Variants in LCP1 observed in about 807,000 individuals in gnomAD.
LCP1 encodes lymphocyte cytosolic protein 1.
LCP1 carries 23 observed loss-of-function variants against 72.0 expected under a neutral mutation model. The observed-to-expected ratio is 0.32, with a 90% confidence interval of 0.23 to 0.45. The LOEUF is 0.45. Ranked by LOEUF, LCP1 falls within the 20% of genes least tolerant of loss-of-function variation. The pLI, the probability that LCP1 is intolerant of heterozygous loss-of-function variation, is 1.00. For missense variants in LCP1, 571 were observed against 748.3 expected (o/e 0.76, Z 2.76); for synonymous variants, 245 against 275.4 (o/e 0.89, Z 1.09).
intron 1 of LCP1, among the ~76,000 whole-genome samples, chr13:46,161,825 G>A (rs1204027711): frequency 6.6e-6 from 1 of 152,156 alleles, no homozygotes; most frequent in African/African-American, 2.4e-5. Flanking sequence ...CTATCTCCAA[G>A]TTCTCTAGAA....
At chr13:46,173,425 A>T (rs1230931848) in intron 1 of LCP1, among the ~76,000 whole-genome samples, 1 of 152,194 alleles carries the variant, frequency 6.6e-6, no homozygotes, top group Non-Finnish European at 1.5e-5. Context: ...AAAGAGAGGA[A>T]GAGAGGAAGG....
chr13:46,127,661 A>G lies in LCP1; in HGVS notation c.1814T>C (p.Val605Ala). The G allele has an allele frequency of 6.2e-7, 1 of 1,614,126 alleles. No homozygotes were observed. Among genetic ancestry groups the G allele is most frequent in the Non-Finnish European group, 8.5e-7 (1 of 1,180,008 alleles). The change falls in exon 16 of 16, where the codon GTT becomes GCT. Residue 605 changes from valine to alanine, a missense_variant. Val to Ala is a moderately conservative substitution (Grantham distance 64). Coordinates refer to ENST00000323076, the MANE Select transcript of LCP1 (RefSeq NM_002298.5). ...ARVYALPEDL[V>A]EVNPKMVMTV... ...CATGACCATTTTGGGGTTCACTTCA[A>G]CCAGGTCTTCTGGCAGGGCATACAC...
chr13:46,178,704 A>C (rs1039551196), intron 1 of LCP1, among the ~76,000 whole-genome samples: 1 of 152,206 alleles, frequency 6.6e-6, no homozygotes, highest in Admixed American at 6.5e-5. Flanking sequence ...GTATCATTTC[A>C]TTTGATATCT....
In LCP1 at chr13:46,170,149, T is replaced by G. The variant is rs187799921; in HGVS notation, c.-24-10463A>C. Among the ~76,000 whole-genome samples, 8 of 152,362 alleles carry G rather than the reference T, an allele frequency of 5.3e-5. No individual in the cohort carries two copies. In the East Asian group the frequency reaches 1.5e-3, roughly 29 times the overall value. ...CCCCTATCACCTTCTTTGAGGAATT[T>G]AACAATAATATTCTTGTGTACATAC... is the stretch of plus-strand genomic sequence containing the variant. On this transcript the variant is annotated intron_variant, in intron 1 of 15. Coordinates refer to ENST00000323076, the MANE Select transcript of LCP1 (RefSeq NM_002298.5).
At chr13:46,180,793 C>T (rs939720744) in intron 1 of LCP1, among the ~76,000 whole-genome samples, 7 of 152,270 alleles carry the variant, frequency 4.6e-5, no homozygotes, top group African/African-American at 1.4e-4. Context: ...CCTTCACATT[C>T]GAATTTATTT....
intron 1 of LCP1, among the ~76,000 whole-genome samples, chr13:46,177,968 T>C (rs2045939717): frequency 1.3e-5 from 2 of 152,184 alleles, no homozygotes; most frequent in South Asian, 4.1e-4. Flanking sequence ...GGGGAAGTAT[T>C]ATGATTATTT....
At chr13:46,135,654 T>A (rs2045660475) in intron 13 of LCP1, among the ~76,000 whole-genome samples, 1 of 152,030 alleles carries the variant, frequency 6.6e-6, no homozygotes, top group Non-Finnish European at 1.5e-5. Flanking sequence ...CAATTACACC[T>A]CGTAAGTCTC....
At chr13:46,166,097 TATC>T (rs1474740457) in intron 1 of LCP1, among the ~76,000 whole-genome samples, 10 of 152,184 alleles carry the variant, frequency 6.6e-5, no homozygotes, top group African/African-American at 2.4e-4. Context: ...GAGGATGAGT[TATC>T]ATAAAAGTAC....
At chr13:46,176,203 T>G (rs970506638) in intron 1 of LCP1, among the ~76,000 whole-genome samples, 2 of 152,186 alleles carry the variant, frequency 1.3e-5, no homozygotes, top group Non-Finnish European at 2.9e-5. Flanking sequence ...GAGAGGCGAT[T>G]GAATGTTTCC....
At chr13:46,147,902 G>A (rs1169042674) in intron 9 of LCP1, among the ~76,000 whole-genome samples, 1 of 152,048 alleles carries the variant, frequency 6.6e-6, no homozygotes, top group Non-Finnish European at 1.5e-5. Flanking sequence ...AGCTTTACTT[G>A]TCATTTACTT....
rs985482104 is a variant in LCP1 at position 46,139,777 on chromosome 13, C to T, written c.1502+2515G>A. Among the ~76,000 whole-genome samples, 4 of 152,168 alleles carry T rather than the reference C, an allele frequency of 2.6e-5. No individual in the cohort carries two copies. The South Asian group carries it at 8.3e-4, about 32-fold the overall frequency. On this transcript the variant is annotated intron_variant, in intron 13 of 15. Transcript: ENST00000323076. ...TTTCTATTTGTGTATCTTTTTATAACCTATTTTTGTTTAACTAATATCACC... is the reference window on the plus strand; with the variant it reads ...TTTCTATTTGTGTATCTTTTTATAATCTATTTTTGTTTAACTAATATCACC...
intron 1 of LCP1, chr13:46,169,571 G>A: frequency 6.6e-6 from 1 of 152,386 alleles, no homozygotes; most frequent in Non-Finnish European, 1.5e-5. Flanking sequence ...GTGTGAGCCA[G>A]TGCACCCACT....
chr13:46,158,725 T>G (rs2045819197), intron 3 of LCP1, 74 bp from the exon 4 acceptor site: 1 of 1,605,328 alleles, frequency 6.2e-7, no homozygotes, highest in South Asian at 1.1e-5. Flanking sequence ...ATATGTAATG[T>G]CGAAGCAAGG....
intron 12 of LCP1, chr13:46,142,915 TC>T (rs2045707171): frequency 2.7e-6 from 1 of 371,332 alleles, no homozygotes; most frequent in South Asian, 2.1e-5. Flanking sequence ...AAAACAATGT[TC>T]CCACTGTGTT....
At chr13:46,176,134 G>A (rs781391472) in intron 1 of LCP1, among the ~76,000 whole-genome samples, 11 of 152,186 alleles carry the variant, frequency 7.2e-5, no homozygotes, top group Non-Finnish European at 1.2e-4. Context: ...AAGCTCTCAT[G>A]TTCTATAGCA....
At chr13:46,146,878 C>A in intron 10 of LCP1, 30 bp downstream of exon 10, 9 of 1,608,930 alleles carry the variant, frequency 5.6e-6, no homozygotes, top group Non-Finnish European at 7.7e-6. Context: ...GAGTGCCTTT[C>A]CCCATCTTAG....
intron 1 of LCP1, among the ~76,000 whole-genome samples, chr13:46,170,976 T>C (rs376787155): frequency 3.0e-4 from 46 of 152,268 alleles, no homozygotes; most frequent in African/African-American, 1.1e-3. Context: ...TGCTTAAAGA[T>C]CAGTCTGTTT....
intron 14 of LCP1, among the ~76,000 whole-genome samples, 194 bp from the exon 15 acceptor site, chr13:46,131,132 C>A (rs551996188): frequency 7.2e-5 from 11 of 152,200 alleles, no homozygotes; most frequent in Non-Finnish European, 1.5e-4. Context: ...CCCAGAAAAC[C>A]CACCGTCTAC....
chr13:46,165,400 C>T (rs188609154), intron 1 of LCP1, among the ~76,000 whole-genome samples: 23 of 151,836 alleles, frequency 1.5e-4, no homozygotes, highest in Non-Finnish European at 7.4e-5. Context: ...CAAAAATGCA[C>T]CCATTTTAAT....
Sources: gnomAD v4.1 joint callset for allele counts (sites outside exome capture counted in the v4.1 genomes callset) on GRCh38, gnomAD v4.1.1 for gene constraint, MANE v1.5 for transcripts, NCBI Gene and HGNC (gene_info 2026-07-23, HGNC 2026-07-21) for gene names.